RPRD1B: variants seen among roughly 807,000 people sequenced by gnomAD.
The protein encoded by RPRD1B is regulation of nuclear pre-mRNA domain containing 1B.
Under a neutral mutation model 41.5 loss-of-function variants are expected in RPRD1B, and 11 were observed. That is an observed-to-expected ratio of 0.27 (90% CI 0.17 to 0.44). The LOEUF (loss-of-function observed/expected upper bound fraction) is 0.44. Ranked by LOEUF, RPRD1B falls within the 20% of genes least tolerant of loss-of-function variation. The probability of loss-of-function intolerance (pLI) is 1.00; values close to 1 mark genes in which losing one functional copy is unlikely to be tolerated. For missense variants in RPRD1B, 248 were observed against 389.9 expected, an observed-to-expected ratio of 0.64 and a Z score of 3.06; for synonymous variants, 158 against 155.6, an observed-to-expected ratio of 1.02 and a Z score of -0.12.
At chr20:38,063,106 A>G (rs148953494) in intron 5 of RPRD1B, among the ~76,000 whole-genome samples, 2 of 151,920 alleles carry the variant, frequency 1.3e-5, no homozygotes, top group East Asian at 3.9e-4. Flanking sequence ...CTTTCCTCCT[A>G]GCGCCTTTGT....
chr20:38,068,542 G>A (rs1366681661), intron 6 of RPRD1B, among the ~76,000 whole-genome samples: 2 of 152,118 alleles, frequency 1.3e-5, no homozygotes, highest in African/African-American at 4.8e-5. Context: ...TAGATTATAG[G>A]CATGTACTAC....
At chr20:38,048,771 G>T (rs2074147817) in intron 3 of RPRD1B, among the ~76,000 whole-genome samples, 1 of 152,158 alleles carries the variant, frequency 6.6e-6, no homozygotes, top group Non-Finnish European at 1.5e-5. Flanking sequence ...CAACAAAGTT[G>T]TTCAGAGTTG....
At chr20:38,044,921 G>A (rs546031269) in intron 2 of RPRD1B, among the ~76,000 whole-genome samples, 1 of 152,266 alleles carries the variant, frequency 6.6e-6, no homozygotes, top group Non-Finnish European at 1.5e-5. Flanking sequence ...CTGTGCATGA[G>A]ATAAGACAGA....
intron 6 of RPRD1B, among the ~76,000 whole-genome samples, chr20:38,086,714 G>C (rs1044400664): frequency 3.9e-5 from 6 of 152,120 alleles, no homozygotes; most frequent in Non-Finnish European, 7.4e-5. Context: ...TTCCTCTGAC[G>C]CCTGCTCTTA....
intron 2 of RPRD1B, among the ~76,000 whole-genome samples, chr20:38,044,290 CTG>C (rs1319742313): frequency 6.6e-6 from 1 of 152,030 alleles, no homozygotes; most frequent in Non-Finnish European, 1.5e-5. Context: ...ATTAAAGACT[CTG>C]TGCCCAGAGT....
chr20:38,091,024 T>C lies in RPRD1B; in HGVS notation c.*1149T>C, dbSNP rs1469895679. ...ATATTAATTGGGGGTTTTAATTCTA[T>C]TATCATGTCAGCTGACATTATGACT... On this transcript the variant is annotated 3_prime_UTR_variant, in exon 7 of 7. Coordinates refer to ENST00000373433, the MANE Select transcript of RPRD1B (RefSeq NM_021215.4). 2.0e-6 allele frequency: 2 copies of C among 985,648 alleles called. No homozygotes were observed. The highest frequency in any genetic ancestry group is 1.7e-5 in the African/African-American group (1 of 57,234). The allele number at this position is 985,648 out of a possible 1,614,324, so 61.1% of individuals were successfully genotyped here.
At position 38,089,849 on chromosome 20, in the gene RPRD1B, G is replaced by C. The variant is rs534954435; in HGVS notation, c.955G>C (p.Ala319Pro). 6.2e-7 allele frequency: 1 copy of C among 1,613,988 alleles called. No homozygotes were observed. The highest frequency in any genetic ancestry group is 1.3e-5 in the African/African-American group (1 of 75,018). Residue 319 changes from alanine to proline, a missense_variant, in exon 7 of 7, where the codon GCT becomes CCT. By Grantham distance (27) the Ala-to-Pro change is conservative. Around this residue, in one of 5 missense-constraint regions of RPRD1B, gnomAD observed 93 missense variants for 167.2 expected, o/e 0.56. Transcript: ENST00000373433. ...VTGGLAPLPS[A>P]GDLFSTD ...AGGGGGCTTAGCCCCCCTGCCCTCT[G>C]CTGGGGACCTGTTTTCAACTGACTA... is the stretch of plus-strand genomic sequence containing the variant.
intron 2 of RPRD1B, among the ~76,000 whole-genome samples, chr20:38,047,649 T>G (rs901917348): frequency 6.6e-6 from 1 of 152,102 alleles, no homozygotes; most frequent in Non-Finnish European, 1.5e-5. Context: ...TCTCAGTGAG[T>G]GCTAGTTATA....
chr20:38,088,966 G>GA (rs1383731189), intron 6 of RPRD1B, among the ~76,000 whole-genome samples: 1 of 152,132 alleles, frequency 6.6e-6, no homozygotes, highest in Admixed American at 6.5e-5. Context: ...GGGGAATCCT[G>GA]AAAAAATGGT....
rs1321217454 is a variant in RPRD1B at position 38,090,595 on chromosome 20, A to G, written c.*720A>G. 15 of 985,462 alleles carry G rather than the reference A, an allele frequency of 1.5e-5. No individual in the cohort carries two copies. The highest frequency in any genetic ancestry group is 1.8e-5 in the Non-Finnish European group (15 of 829,930). 61.0% of individuals were successfully genotyped at this position (985,462 alleles called of 1,614,324 possible). ...GAATTTATTTGCTTCAAGTTCCTAG[A>G]TACAACCTTCCCATGCTGCACTTCT... On this transcript the variant is annotated 3_prime_UTR_variant, in exon 7 of 7. Coordinates refer to ENST00000373433, the MANE Select transcript of RPRD1B (RefSeq NM_021215.4).
Position 38,090,257 on chromosome 20 carries a change from C to T in RPRD1B, c.*382C>T. 1 of 991,544 alleles carries T rather than the reference C, an allele frequency of 1.0e-6. No homozygotes were observed. Among genetic ancestry groups the T allele is most frequent in the South Asian group, 4.6e-5 (1 of 21,646 alleles). The allele number at this position is 991,544 out of a possible 1,614,324, so 61.4% of individuals were successfully genotyped here. ...TGACAGCATTTTATCATGAAAGCAGCTTCTCCTTTCTGGGCTGGGCTTGTT... is the reference window on the plus strand; with the variant it reads ...TGACAGCATTTTATCATGAAAGCAGTTTCTCCTTTCTGGGCTGGGCTTGTT... On this transcript the variant is annotated 3_prime_UTR_variant, in exon 7 of 7. Coordinates refer to ENST00000373433, the MANE Select transcript of RPRD1B (RefSeq NM_021215.4).
intron 6 of RPRD1B, among the ~76,000 whole-genome samples, chr20:38,086,085 G>T (rs946947640): frequency 5.3e-5 from 8 of 152,148 alleles, no homozygotes; most frequent in African/African-American, 1.9e-4. Context: ...AAAGTGTTGG[G>T]ATTACAGGCG....
intron 6 of RPRD1B, among the ~76,000 whole-genome samples, chr20:38,087,330 A>G (rs1305167463): frequency 6.6e-6 from 1 of 152,216 alleles, no homozygotes; most frequent in Non-Finnish European, 1.5e-5. Flanking sequence ...AATTAGAGCA[A>G]AGTGCCTTCC....
intron 2 of RPRD1B, among the ~76,000 whole-genome samples, chr20:38,042,355 A>G (rs1219379614): frequency 6.6e-6 from 1 of 152,174 alleles, no homozygotes; most frequent in African/African-American, 2.4e-5. Context: ...CCCTGTCTCT[A>G]AATTACAAAC....
In RPRD1B at chr20:38,091,695, A is replaced by T. The variant is rs954098088; in HGVS notation, c.*1820A>T. 1 of 985,448 alleles carries T rather than the reference A, an allele frequency of 1.0e-6. No homozygotes were observed. The highest frequency in any genetic ancestry group is 1.7e-5 in the African/African-American group (1 of 57,186). The allele number at this position is 985,448 out of a possible 1,614,324, so 61.0% of individuals were successfully genotyped here. ...GTGTTTTGGAGCAGGCCCATCTGGGACACTCTATGCTTTCACCAAGGAAGT... is the reference window on the plus strand; with the variant it reads ...GTGTTTTGGAGCAGGCCCATCTGGGTCACTCTATGCTTTCACCAAGGAAGT... On this transcript the variant is annotated 3_prime_UTR_variant, in exon 7 of 7. Coordinates refer to ENST00000373433, the MANE Select transcript of RPRD1B (RefSeq NM_021215.4).
chr20:38,058,535 A>G (rs1053122905), intron 4 of RPRD1B, among the ~76,000 whole-genome samples: 1 of 152,170 alleles, frequency 6.6e-6, no homozygotes, highest in African/African-American at 2.4e-5. Flanking sequence ...TTTTCTGACA[A>G]TTTAAGAAAC....
intron 4 of RPRD1B, 43 bp from the exon 5 acceptor site, chr20:38,059,351 C>G (rs1227655477): frequency 6.4e-7 from 1 of 1,553,034 alleles, no homozygotes; most frequent in East Asian, 2.4e-5. Context: ...TCTTTAAACC[C>G]CATGTCTTAA....
intron 1 of RPRD1B, among the ~76,000 whole-genome samples, chr20:38,040,037 T>C (rs746655829): frequency 6.6e-6 from 1 of 152,184 alleles, no homozygotes; most frequent in African/African-American, 2.4e-5. Context: ...TCCGGCCAAC[T>C]CAGTCTTTCA....
At chr20:38,073,764 T>C (rs527728228) in intron 6 of RPRD1B, among the ~76,000 whole-genome samples, 10 of 152,308 alleles carry the variant, frequency 6.6e-5, no homozygotes, top group African/African-American at 2.2e-4. Flanking sequence ...GGTGATCTAA[T>C]TGTCATTTTA....
Sources: gnomAD v4.1 joint callset for allele counts (sites outside exome capture counted in the v4.1 genomes callset) on GRCh38, gnomAD v4.1.1 for gene constraint, gnomAD v4.1.1 regional missense constraint, MANE v1.5 for transcripts, NCBI Gene and HGNC (gene_info 2026-07-23, HGNC 2026-07-21) for gene names.